The following DACH2 variants were observed in gnomAD, a reference collection of about 807,000 sequenced individuals.
DACH2 encodes dachshund family transcription factor 2, also known as dachshund homolog 2.
DACH2 carries 17 observed loss-of-function variants against 35.8 expected under a neutral mutation model. The ratio of observed to expected loss-of-function variants is 0.48; its 90% CI spans 0.33 to 0.71. The LOEUF (loss-of-function observed/expected upper bound fraction) is 0.71. DACH2 is among the 30% of genes least tolerant of loss of function. The pLI is 0.02. For synonymous variants in DACH2, 195 were observed against 177.3 expected, an observed-to-expected ratio of 1.10 and a Z score of -0.79; for missense variants, 469 against 472.7, an observed-to-expected ratio of 0.99 and a Z score of 0.07.
At chrX:86,161,995 C>G (rs1458889125) in intron 1 of DACH2, among the ~76,000 whole-genome samples, 1 of 111,883 alleles carries the variant, frequency 8.9e-6, no homozygotes, top group Non-Finnish European at 1.9e-5. Flanking sequence ...GCAGAGCAGC[C>G]TAAAGCTTTC....
chrX:86,550,254 A>C (rs1378434216), intron 3 of DACH2, among the ~76,000 whole-genome samples: 4 of 111,488 alleles, frequency 3.6e-5, no homozygotes, highest in Non-Finnish European at 7.6e-5. Context: ...TAGAGAGGAT[A>C]ATTTTGAATA....
chrX:86,502,011 T>TTTCCTTCCTTCC (rs533021751), intron 2 of DACH2, among the ~76,000 whole-genome samples: 7 of 95,532 alleles, frequency 7.3e-5, no homozygotes, highest in African/African-American at 1.2e-4. Context: ...TCTTTCCTTC[T>TTTCCTTCCTTCC]TTCCTTCCTT....
chrX:86,521,499 G>A lies in DACH2; in HGVS notation c.640+7108G>A, dbSNP rs749384274. On this transcript the variant is annotated intron_variant, in intron 3 of 11. Transcript: ENST00000373125. ...TGACATTCTGAAATATGTTTTTCAA[G>A]TTACTCATACTGTCATACTCCTTGG... Among the ~76,000 whole-genome samples the A allele has an allele frequency of 4.5e-5, 5 of 111,699 alleles. No individual in the cohort carries two copies. In the South Asian group the frequency reaches 1.1e-3, roughly 25 times the overall value.
At chrX:86,678,278 G>A (rs969961380) in intron 4 of DACH2, among the ~76,000 whole-genome samples, 1 of 111,595 alleles carries the variant, frequency 9.0e-6, no homozygotes, top group African/African-American at 3.3e-5. Flanking sequence ...TTGAAGCAAG[G>A]CATACATGTT....
At chrX:86,766,645 A>G (rs773630057) in intron 7 of DACH2, among the ~76,000 whole-genome samples, 35 of 112,111 alleles carry the variant, frequency 3.1e-4, no homozygotes, top group Middle Eastern at 4.6e-3. Context: ...CATTCTTGCT[A>G]TTGACTAAGT....
At chrX:86,655,005 C>T (rs944393756) in intron 4 of DACH2, among the ~76,000 whole-genome samples, 7 of 111,280 alleles carry the variant, frequency 6.3e-5, no homozygotes, top group African/African-American at 2.0e-4. Flanking sequence ...CTTTGTTGCC[C>T]TTTGGGTCAC....
At chrX:86,762,134 T>G (rs956619446) in intron 7 of DACH2, among the ~76,000 whole-genome samples, 1 of 111,323 alleles carries the variant, frequency 9.0e-6, no homozygotes. Context: ...CTCATACTTG[T>G]TAAAGGTCAA....
intron 3 of DACH2, among the ~76,000 whole-genome samples, chrX:86,533,639 A>G (rs1267881181): frequency 8.9e-6 from 1 of 112,266 alleles, no homozygotes; most frequent in Non-Finnish European, 1.9e-5. Flanking sequence ...CATTAATTAC[A>G]TACAATCATT....
chrX:86,590,792 TTTTA>T (rs987335682), intron 3 of DACH2, among the ~76,000 whole-genome samples: 4 of 111,114 alleles, frequency 3.6e-5, no homozygotes, highest in African/African-American at 6.5e-5. Flanking sequence ...TATCTCGCAG[TTTTA>T]TTTATTTATT....
intron 3 of DACH2, among the ~76,000 whole-genome samples, chrX:86,623,036 T>C (rs958859506): frequency 4.5e-5 from 5 of 111,952 alleles, no homozygotes; most frequent in African/African-American, 1.6e-4. Context: ...GTAAATTCAT[T>C]AGGCAGGTAT....
intron 6 of DACH2, among the ~76,000 whole-genome samples, chrX:86,717,507 G>A (rs2041351064): frequency 9.1e-6 from 1 of 109,435 alleles, no homozygotes; most frequent in African/African-American, 3.3e-5. Context: ...ATAGGAACTT[G>A]ATAATGAGTT....
intron 2 of DACH2, among the ~76,000 whole-genome samples, chrX:86,457,557 T>A (rs933542106): frequency 4.4e-5 from 5 of 112,488 alleles, no homozygotes; most frequent in Non-Finnish European, 9.4e-5. Context: ...TATTGAAAAC[T>A]TACATGCTAG....
At chrX:86,453,951 G>T (rs139663921) in intron 2 of DACH2, among the ~76,000 whole-genome samples, 160 of 111,774 alleles carry the variant, frequency 1.4e-3, no homozygotes, top group African/African-American at 5.0e-3. Flanking sequence ...CTTCCTTCAG[G>T]ATCTCTTGCA....
At chrX:86,289,640 C>G (rs1344140761) in intron 1 of DACH2, among the ~76,000 whole-genome samples, 1 of 92,993 alleles carries the variant, frequency 1.1e-5, no homozygotes, top group Non-Finnish European at 2.1e-5. Flanking sequence ...TCTCATTGTT[C>G]AATTCCCACC....
At chrX:86,440,914 A>G (rs1379190784) in intron 2 of DACH2, among the ~76,000 whole-genome samples, 2 of 111,124 alleles carry the variant, frequency 1.8e-5, no homozygotes, top group Non-Finnish European at 3.8e-5. Context: ...CTACTGTGCA[A>G]TGGAACAGCA....
chrX:86,217,095 T>TAAAAAAAAA (rs11323790), intron 1 of DACH2, among the ~76,000 whole-genome samples: 1 of 88,610 alleles, frequency 1.1e-5, no homozygotes, highest in Non-Finnish European at 2.2e-5. Flanking sequence ...ATCTCAAAAA[T>TAAAAAAAAA]AAAAAAAAAA....
chrX:86,210,468 A>T (rs1401995327), intron 1 of DACH2, among the ~76,000 whole-genome samples: 1 of 111,809 alleles, frequency 8.9e-6, no homozygotes, highest in Admixed American at 9.6e-5. Flanking sequence ...AAAAATCTCA[A>T]AAAGCAAAGG....
intron 7 of DACH2, among the ~76,000 whole-genome samples, chrX:86,778,187 T>C (rs1478445056): frequency 8.9e-6 from 1 of 111,793 alleles, no homozygotes; most frequent in Non-Finnish European, 1.9e-5. Flanking sequence ...ATGGTAGTTT[T>C]ATTTTTATTT....
chrX:86,753,077 T>C (rs5967757), intron 7 of DACH2, among the ~76,000 whole-genome samples: 470 of 15,086 alleles, frequency 0.031, 5 homozygotes, highest in East Asian at 0.085. Flanking sequence ...CACACACACA[T>C]ACACCCCGAC....
Sources: gnomAD v4.1 joint callset for allele counts (sites outside exome capture counted in the v4.1 genomes callset) on GRCh38, gnomAD v4.1.1 for gene constraint, MANE v1.5 for transcripts, NCBI Gene and HGNC (gene_info 2026-07-23, HGNC 2026-07-21) for gene names.